ACSBG1: variants seen among roughly 807,000 people sequenced by gnomAD.
ACSBG1 encodes the protein acyl-CoA synthetase bubblegum family member 1.
ACSBG1 carries 39 observed loss-of-function variants against 80.2 expected under a neutral mutation model. That is an observed-to-expected ratio of 0.49 (90% CI 0.38 to 0.64). The LOEUF (loss-of-function observed/expected upper bound fraction) is 0.64. Ranked by LOEUF, ACSBG1 falls within the 30% of genes least tolerant of loss-of-function variation. The probability of loss-of-function intolerance (pLI) is 0.00; values close to 1 mark genes in which losing one functional copy is unlikely to be tolerated. For missense variants in ACSBG1, 828 were observed against 966.4 expected (o/e 0.86, Z 1.90); for synonymous variants, 392 against 379.5 (o/e 1.03, Z -0.38).
chr15:78,200,799 G>C (rs1299569781), intron 2 of ACSBG1, among the ~76,000 whole-genome samples: 1 of 152,160 alleles, frequency 6.6e-6, no homozygotes, highest in Non-Finnish European at 1.5e-5. Context: ...GAGACTCCCA[G>C]AGTGACCTTG....
intron 2 of ACSBG1, among the ~76,000 whole-genome samples, chr15:78,194,964 G>A (rs1157375946): frequency 6.6e-6 from 1 of 152,194 alleles, no homozygotes; most frequent in Non-Finnish European, 1.5e-5. Flanking sequence ...GAAGAGGAGA[G>A]GAAATAACTG....
intron 1 of ACSBG1, among the ~76,000 whole-genome samples, chr15:78,209,892 C>T (rs542060056): frequency 6.6e-6 from 1 of 152,342 alleles, no homozygotes; most frequent in African/African-American, 2.4e-5. Flanking sequence ...ACAAACAAAC[C>T]TGTTTTTAAA....
chr15:78,210,682 C>A (rs1325764474), intron 1 of ACSBG1, among the ~76,000 whole-genome samples: 1 of 152,176 alleles, frequency 6.6e-6, no homozygotes, highest in African/African-American at 2.4e-5. Flanking sequence ...GGCACAATCA[C>A]CACTCACTGC....
At chr15:78,188,095 A>G (rs2075022900) in intron 5 of ACSBG1, among the ~76,000 whole-genome samples, 1 of 152,262 alleles carries the variant, frequency 6.6e-6, no homozygotes, top group Non-Finnish European at 1.5e-5. Flanking sequence ...AGAGAATAAA[A>G]TACCTAGGAA....
chr15:78,182,550 G>T lies in ACSBG1; in HGVS notation c.810C>A (p.Thr270=), dbSNP rs201371914. The change falls in exon 7 of 14, where the codon ACC becomes ACA. Residue 270 remains threonine (T), a synonymous_variant. Coordinates refer to ENST00000258873, the MANE Select transcript of ACSBG1 (RefSeq NM_015162.5). The stretch of plus-strand genomic sequence containing the variant: ...GCACACAGCACTGGTTGGGCTGCTG[G>T]GTGTCAATGATGGCGTCCAGGGCTT... ...PEEALDAIID[T]QQPNQCCVLV... is the part of the protein sequence containing the mutation. 1.9e-5 allele frequency: 30 copies of T among 1,614,142 alleles called. No homozygotes were observed. In the African/African-American group the frequency reaches 3.5e-4, roughly 19 times the overall value.
chr15:78,215,605 G>A (rs777258508), intron 1 of ACSBG1, among the ~76,000 whole-genome samples: 1 of 151,684 alleles, frequency 6.6e-6, no homozygotes, highest in African/African-American at 2.4e-5. Flanking sequence ...CCAGTGAGCC[G>A]AGATTGTGCC....
chr15:78,174,666 G>T, intron 11 of ACSBG1, 142 bp from the exon 12 acceptor site: 6 of 992,062 alleles, frequency 6.0e-6, no homozygotes, highest in Non-Finnish European at 8.6e-6. Flanking sequence ...GCAGTGGCAG[G>T]CCCTCCAAAG....
intron 1 of ACSBG1, among the ~76,000 whole-genome samples, chr15:78,231,490 T>C (rs181140038): frequency 1.6e-4 from 24 of 152,064 alleles, no homozygotes; most frequent in African/African-American, 5.8e-4. Flanking sequence ...TTCAACATGT[T>C]ACCCAGGCTG....
At chr15:78,223,039 G>C (rs892317253) in intron 1 of ACSBG1, among the ~76,000 whole-genome samples, 5 of 152,140 alleles carry the variant, frequency 3.3e-5, no homozygotes, top group African/African-American at 9.7e-5. Flanking sequence ...CTGGCCTTAG[G>C]ACTGCCTTCT....
chr15:78,229,804 G>C (rs1203771965), intron 1 of ACSBG1, among the ~76,000 whole-genome samples: 1 of 152,114 alleles, frequency 6.6e-6, no homozygotes, highest in African/African-American at 2.4e-5. Flanking sequence ...GGCTTCTGCT[G>C]CTTGCACCCC....
At chr15:78,234,142 A>T (rs1437913460) in intron 1 of ACSBG1, among the ~76,000 whole-genome samples, 1 of 152,168 alleles carries the variant, frequency 6.6e-6, no homozygotes, top group Non-Finnish European at 1.5e-5. Flanking sequence ...CCCAGCTCAT[A>T]CCCCTGGGAT....
chr15:78,224,292 T>C (rs966483563), intron 1 of ACSBG1, among the ~76,000 whole-genome samples: 2 of 152,198 alleles, frequency 1.3e-5, no homozygotes. Flanking sequence ...AAGTTGCTCC[T>C]GAATAACTGA....
intron 1 of ACSBG1, among the ~76,000 whole-genome samples, chr15:78,210,125 G>A (rs1234892858): frequency 6.6e-6 from 1 of 152,164 alleles, no homozygotes; most frequent in African/African-American, 2.4e-5. Context: ...TTCCTGGAGG[G>A]GCAGCACCCA....
rs1261787169 is a variant in ACSBG1, at chr15:78,173,586, AAC to A, written c.2089+5_2089+6del. 1.9e-6 allele frequency: 3 copies of A among 1,613,714 alleles called. No homozygotes were observed. Among genetic ancestry groups the A allele is most frequent in the Non-Finnish European group, 2.5e-6 (3 of 1,179,808 alleles). ...AGCCCTTGCAATGGTGAAAAGGAAA[AAC>A]CTACCCAACTCTCCACCCGAAATGG... On this transcript the variant is annotated splice_donor_5th_base_variant and intron_variant, in intron 13 of 13. Coordinates refer to ENST00000258873, the MANE Select transcript of ACSBG1 (RefSeq NM_015162.5).
chr15:78,179,364 G>A (rs562757604), intron 10 of ACSBG1, among the ~76,000 whole-genome samples, 186 bp downstream of exon 10: 34 of 152,350 alleles, frequency 2.2e-4, no homozygotes, highest in Admixed American at 7.2e-4. Context: ...CTAGACTGAG[G>A]ATAAGCTAGG....
intron 2 of ACSBG1, among the ~76,000 whole-genome samples, chr15:78,203,120 C>G (rs1230914404): frequency 1.3e-5 from 2 of 152,224 alleles, no homozygotes; most frequent in African/African-American, 4.8e-5. Context: ...CTTAGGAAAT[C>G]AGGATGACTG....
rs1475312253 is a variant in ACSBG1 at position 78,172,559 on chromosome 15, C to G, written c.2090-1030G>C. 6.6e-6 allele frequency among the ~76,000 whole-genome samples: 1 copy of G among 152,208 alleles called. No homozygotes were observed. The highest frequency in any genetic ancestry group is 2.4e-5 in the African/African-American group (1 of 41,442). On this transcript the variant is annotated intron_variant, in intron 13 of 13. Coordinates refer to ENST00000258873, the MANE Select transcript of ACSBG1 (RefSeq NM_015162.5). The surrounding 1 kb of genome is among the most constrained non-coding windows in gnomAD (Gnocchi z 4.1). Reference sequence around the variant, plus strand: ...TCTTGACTGTGTAACTGGAAACTTTCTGTGTTAAAGTCATTATATTAACTG... The same window carrying G: ...TCTTGACTGTGTAACTGGAAACTTTGTGTGTTAAAGTCATTATATTAACTG...
At chr15:78,215,726 GAAA>G (rs2075302946) in intron 1 of ACSBG1, among the ~76,000 whole-genome samples, 2 of 45,986 alleles carry the variant, frequency 4.3e-5, no homozygotes, top group African/African-American at 1.6e-4. Flanking sequence ...GAAAGAAAGA[GAAA>G]GAAAGAAAGA....
chr15:78,207,985 AC>A lies in ACSBG1; in HGVS notation c.232+16del, dbSNP rs1243910250. On this transcript the variant is annotated intron_variant, in intron 2 of 13. Coordinates refer to ENST00000258873, the MANE Select transcript of ACSBG1 (RefSeq NM_015162.5). ...GTTTCCCGCCCTGCCCCACCCTACC[AC>A]CCCCAGCTGGCTTACCTGGAGCATC... The A allele has an allele frequency of 7.0e-6, 6 of 860,076 alleles. No individual in the cohort carries two copies. The highest frequency in any genetic ancestry group is 1.0e-5 in the Non-Finnish European group (6 of 583,894). The allele number at this position is 860,076 out of a possible 1,614,324, so 53.3% of individuals were successfully genotyped here.
Sources: gnomAD v4.1 joint callset for allele counts (sites outside exome capture counted in the v4.1 genomes callset) on GRCh38, gnomAD v4.1.1 for gene constraint, Gnocchi (gnomAD v3.1) non-coding constraint, MANE v1.5 for transcripts, NCBI Gene and HGNC (gene_info 2026-07-23, HGNC 2026-07-21) for gene names.